Variants in TTC28 observed in about 807,000 individuals in gnomAD.
The protein encoded by TTC28 is tetratricopeptide repeat protein 28.
Under a neutral mutation model 198.0 loss-of-function variants are expected in TTC28, and 61 were observed. The observed-to-expected ratio is 0.31, with a 90% CI of 0.25 to 0.38. TTC28 has a LOEUF of 0.38. Among genes scored for constraint, TTC28 ranks in the 10% least tolerant of loss-of-function variants. The pLI is 1.00. For missense variants in TTC28, 2,678 were observed against 3,164.0 expected (o/e 0.85, Z 3.69); for synonymous variants, 1,171 against 1,297.8 (o/e 0.90, Z 2.10).
intron 5 of TTC28, among the ~76,000 whole-genome samples, chr22:28,271,993 C>A (rs752571439): frequency 1.3e-5 from 2 of 152,128 alleles, no homozygotes; most frequent in Admixed American, 6.5e-5. Context: ...TGCCTTCCGC[C>A]ATGATTGTGA....
intron 20 of TTC28, 83 bp from the exon 21 acceptor site, chr22:27,990,090 C>T (rs1937347083): frequency 6.7e-7 from 1 of 1,483,480 alleles, no homozygotes; most frequent in Non-Finnish European, 9.0e-7. Flanking sequence ...ATTCTTATGT[C>T]ACCTGTCACT....
At chr22:28,145,586 A>C (rs1012655669) in intron 6 of TTC28, among the ~76,000 whole-genome samples, 2 of 152,198 alleles carry the variant, frequency 1.3e-5, no homozygotes, top group East Asian at 3.8e-4. Flanking sequence ...AATGTCAGCC[A>C]GTCATAATGG....
chr22:28,500,032 A>T (rs962740717), intron 2 of TTC28, among the ~76,000 whole-genome samples: 2 of 152,174 alleles, frequency 1.3e-5, no homozygotes, highest in African/African-American at 4.8e-5. Flanking sequence ...AATTTGAATA[A>T]CTTTATTGAG....
In TTC28 at chr22:28,060,554, C is replaced by T. The variant is rs945963089; in HGVS notation, c.3933-30188G>A. Among the ~76,000 whole-genome samples, 14 of 152,306 alleles carry T rather than the reference C, an allele frequency of 9.2e-5. No homozygotes were observed. In the East Asian group the frequency reaches 1.2e-3, roughly 13 times the overall value. On this transcript the variant is annotated intron_variant, in intron 12 of 22. Coordinates refer to ENST00000397906, the MANE Select transcript of TTC28 (RefSeq NM_001145418.2). ...CTATTGTGAATAGTGCTGCAATAAA[C>T]ATACGTATGCATGTGTCTTTATAGC...
intron 2 of TTC28, among the ~76,000 whole-genome samples, chr22:28,322,311 C>G (rs1415117987): frequency 2.0e-5 from 3 of 152,138 alleles, no homozygotes; most frequent in African/African-American, 7.2e-5. Flanking sequence ...TACTAGATAA[C>G]TGCAGCCTGC....
chr22:28,620,583 C>T (rs1382669043), intron 2 of TTC28, among the ~76,000 whole-genome samples: 1 of 152,142 alleles, frequency 6.6e-6, no homozygotes, highest in Non-Finnish European at 1.5e-5. Context: ...AGAGATGAAA[C>T]ATGGCTTTAC....
intron 2 of TTC28, among the ~76,000 whole-genome samples, chr22:28,367,333 A>G (rs1455860433): frequency 6.6e-6 from 1 of 152,108 alleles, no homozygotes; most frequent in Non-Finnish European, 1.5e-5. Context: ...ATGCTCCTGA[A>G]TGACCAATGG....
At chr22:28,170,274 T>A (rs1922526354) in intron 5 of TTC28, among the ~76,000 whole-genome samples, 1 of 151,820 alleles carries the variant, frequency 6.6e-6, no homozygotes, top group Non-Finnish European at 1.5e-5. Context: ...GATCACGAGG[T>A]CAGGAGGTCG....
At chr22:28,479,495 T>C (rs775014649) in intron 2 of TTC28, among the ~76,000 whole-genome samples, 1 of 152,214 alleles carries the variant, frequency 6.6e-6, no homozygotes, top group Non-Finnish European at 1.5e-5. Flanking sequence ...ATGACAAATC[T>C]GAACCTTAAT....
At chr22:28,166,472 C>G (rs1921971615) in intron 5 of TTC28, among the ~76,000 whole-genome samples, 1 of 151,898 alleles carries the variant, frequency 6.6e-6, no homozygotes, top group Admixed American at 6.6e-5. Flanking sequence ...ATAACAAACT[C>G]TGTCAGATCA....
intron 12 of TTC28, among the ~76,000 whole-genome samples, chr22:28,034,252 G>A (rs1170864022): frequency 6.6e-6 from 1 of 152,192 alleles, no homozygotes; most frequent in African/African-American, 2.4e-5. Context: ...CATGAGCTGG[G>A]TGGCAAGGCA....
chr22:28,474,353 A>G (rs1428943264), intron 2 of TTC28, among the ~76,000 whole-genome samples: 1 of 152,188 alleles, frequency 6.6e-6, no homozygotes, highest in Non-Finnish European at 1.5e-5. Flanking sequence ...AGAAAGTAGA[A>G]GTACCATGTA....
At chr22:28,581,110 G>A (rs1057310098) in intron 2 of TTC28, among the ~76,000 whole-genome samples, 2 of 152,128 alleles carry the variant, frequency 1.3e-5, no homozygotes, top group Non-Finnish European at 2.9e-5. Context: ...CCTCATGCGA[G>A]GTAACTGGAT....
intron 14 of TTC28, among the ~76,000 whole-genome samples, chr22:28,008,742 A>G (rs948320326): frequency 2.0e-5 from 3 of 152,198 alleles, no homozygotes; most frequent in Non-Finnish European, 2.9e-5. Context: ...GAAGGGCCCA[A>G]CTGAAAACTG....
intron 1 of TTC28, among the ~76,000 whole-genome samples, chr22:28,638,897 C>T (rs1431797047): frequency 6.6e-6 from 1 of 152,228 alleles, no homozygotes; most frequent in African/African-American, 2.4e-5. Flanking sequence ...AACTCCTAGG[C>T]TCAAGCTATC....
At chr22:28,289,356 C>G (rs1038401201) in intron 5 of TTC28, among the ~76,000 whole-genome samples, 1 of 152,168 alleles carries the variant, frequency 6.6e-6, no homozygotes, top group African/African-American at 2.4e-5. Context: ...ATAGAGAACA[C>G]TATCTCTAAT....
intron 1 of TTC28, among the ~76,000 whole-genome samples, chr22:28,640,312 A>AGG (rs370134470): frequency 6.6e-4 from 70 of 105,576 alleles, no homozygotes; most frequent in African/African-American, 1.7e-3. Flanking sequence ...AAAAAAGTAA[A>AGG]GGGGGGGGGG....
intron 13 of TTC28, among the ~76,000 whole-genome samples, chr22:28,018,300 CGCGCGCG>C (rs1938456676): frequency 2.2e-5 from 1 of 44,564 alleles, no homozygotes; most frequent in African/African-American, 1.0e-4. Flanking sequence ...CGCGTGTGTG[CGCGCGCG>C]GGGGGGGGGG....
At chr22:28,099,748 G>C (rs1383944049) in intron 9 of TTC28, among the ~76,000 whole-genome samples, 2 of 152,192 alleles carry the variant, frequency 1.3e-5, no homozygotes, top group Non-Finnish European at 2.9e-5. Context: ...TTGTCATCAG[G>C]CAACCACAAT....
Sources: gnomAD v4.1 joint callset for allele counts (sites outside exome capture counted in the v4.1 genomes callset) on GRCh38, gnomAD v4.1.1 for gene constraint, MANE v1.5 for transcripts, NCBI Gene and HGNC (gene_info 2026-07-23, HGNC 2026-07-21) for gene names.